The following ANO4 variants were observed in gnomAD, a reference collection of about 807,000 sequenced individuals.
ANO4 encodes anoctamin-4.
ANO4 carries 69 observed loss-of-function variants against 141.9 expected under a neutral mutation model. The ratio of observed to expected loss-of-function variants is 0.49; its 90% CI spans 0.40 to 0.59. The LOEUF (loss-of-function observed/expected upper bound fraction) is 0.59, where lower values mean the gene tolerates loss of function less well. Ranked by LOEUF, ANO4 falls within the 20% of genes least tolerant of loss-of-function variation. The probability of loss-of-function intolerance (pLI) is 0.00; values close to 1 mark genes in which losing one functional copy is unlikely to be tolerated. For missense variants in ANO4, 894 were observed against 1,162.2 expected, an observed-to-expected ratio of 0.77 and a Z score of 3.36; for synonymous variants, 350 against 394.3, an observed-to-expected ratio of 0.89 and a Z score of 1.33.
intron 14 of ANO4, among the ~76,000 whole-genome samples, chr12:101,075,946 A>G (rs536686466): frequency 6.6e-6 from 1 of 152,066 alleles, no homozygotes; most frequent in Non-Finnish European, 1.5e-5. Context: ...TGGTTTGACT[A>G]CGTTTCATAG....
intron 25 of ANO4, among the ~76,000 whole-genome samples, chr12:101,118,948 A>G (rs1490917584): frequency 2.2e-5 from 3 of 139,092 alleles, no homozygotes; most frequent in African/African-American, 8.1e-5. Flanking sequence ...GTTCCCACCT[A>G]TGAATGAGAA....
intron 8 of ANO4, among the ~76,000 whole-genome samples, chr12:101,006,579 A>G (rs572706988): frequency 4.3e-4 from 66 of 152,238 alleles, no homozygotes; most frequent in Non-Finnish European, 7.2e-4. Context: ...TAGCAAGACA[A>G]TGAGCCAGTA....
intron 1 of ANO4, among the ~76,000 whole-genome samples, chr12:100,806,672 G>A (rs1433303559): frequency 6.6e-6 from 1 of 151,100 alleles, no homozygotes. Context: ...AGCCTCCTGA[G>A]TAGCTGAGAT....
intron 3 of ANO4, among the ~76,000 whole-genome samples, chr12:100,935,946 T>G (rs924834394): frequency 1.6e-4 from 25 of 152,184 alleles, no homozygotes; most frequent in African/African-American, 6.0e-4. Flanking sequence ...CACATACTTT[T>G]TATGCCTGTG....
chr12:100,910,159 G>A (rs1270196609), intron 2 of ANO4, among the ~76,000 whole-genome samples: 3 of 152,128 alleles, frequency 2.0e-5, no homozygotes, highest in Non-Finnish European at 2.9e-5. Context: ...TAAATAATTG[G>A]TGTAGAATGT....
chr12:100,819,615 A>G (rs1203497862), intron 1 of ANO4, among the ~76,000 whole-genome samples: 1 of 151,998 alleles, frequency 6.6e-6, no homozygotes, highest in African/African-American at 2.4e-5. Context: ...TCTTGGTGGT[A>G]ATTAGTGATG....
In ANO4 at chr12:101,128,201, C is replaced by T. The variant is rs1326192308; in HGVS notation, c.*345C>T. The T allele has an allele frequency of 1.3e-5, 2 of 152,522 alleles. No individual in the cohort carries two copies. Among genetic ancestry groups the T allele is most frequent in the African/African-American group, 4.8e-5 (2 of 41,414 alleles). The allele number at this position is 152,522 out of a possible 1,614,324, so 9.4% of individuals were successfully genotyped here. A position where few individuals can be genotyped will look rare whatever the true frequency, so the allele number is the denominator to read the frequency against. On this transcript the variant is annotated 3_prime_UTR_variant, in exon 28 of 28. Coordinates refer to ENST00000392977, the MANE Select transcript of ANO4 (RefSeq NM_001286615.2). The stretch of plus-strand genomic sequence containing the variant: ...TTTGCTACCTTTTTTGCATTCTATC[C>T]CATGTGAATTTTACAGACACTGGGC...
At chr12:100,913,109 C>T (rs956736620) in intron 2 of ANO4, among the ~76,000 whole-genome samples, 3 of 151,944 alleles carry the variant, frequency 2.0e-5, no homozygotes, top group African/African-American at 7.3e-5. Context: ...AAATATATAC[C>T]ACATTCTTCT....
At chr12:100,906,631 T>C (rs775963418) in intron 2 of ANO4, among the ~76,000 whole-genome samples, 3 of 151,962 alleles carry the variant, frequency 2.0e-5, no homozygotes, top group Non-Finnish European at 4.4e-5. Context: ...AGTCAAGAAT[T>C]GAGTAGCTTT....
At chr12:100,780,997 A>G (rs1388149404) in intron 3 of ANO4, among the ~76,000 whole-genome samples, 2 of 152,200 alleles carry the variant, frequency 1.3e-5, no homozygotes, top group African/African-American at 4.8e-5. Context: ...AGCAAACAAA[A>G]TCTAATTCTC....
chr12:100,823,863 T>G (rs995862783), intron 1 of ANO4, among the ~76,000 whole-genome samples: 7 of 151,958 alleles, frequency 4.6e-5, no homozygotes, highest in Non-Finnish European at 1.0e-4. Context: ...TTTGATGAAA[T>G]GGGTAGGCAA....
intron 14 of ANO4, among the ~76,000 whole-genome samples, chr12:101,074,164 CTG>C (rs2048935414): frequency 6.6e-6 from 1 of 152,178 alleles, no homozygotes. Flanking sequence ...GGTTAGATCG[CTG>C]TAGCACAAAG....
chr12:100,975,427 C>CTTT (rs201688045), intron 7 of ANO4, among the ~76,000 whole-genome samples: 11 of 139,814 alleles, frequency 7.9e-5, no homozygotes, highest in East Asian at 2.1e-4. Context: ...TTCTTTCTTT[C>CTTT]TTTTTTTTTT....
intron 17 of ANO4, among the ~76,000 whole-genome samples, chr12:101,091,056 A>G (rs1007572968): frequency 6.6e-6 from 1 of 152,214 alleles, no homozygotes; most frequent in Non-Finnish European, 1.5e-5. Flanking sequence ...TAGACTAGCC[A>G]ACATGGATGA....
intron 1 of ANO4, chr12:100,842,260 A>G (rs1196212769): frequency 6.6e-6 from 1 of 151,636 alleles, no homozygotes; most frequent in Non-Finnish European, 1.5e-5. Context: ...CTTATATTTC[A>G]TTCTTTGTTA....
intron 1 of ANO4, among the ~76,000 whole-genome samples, chr12:100,861,099 A>G (rs1005855260): frequency 7.9e-5 from 12 of 152,142 alleles, no homozygotes; most frequent in Non-Finnish European, 1.6e-4. Flanking sequence ...ATCACCACCC[A>G]TGTCCTGCTG....
chr12:100,909,545 T>C (rs1028318208), intron 2 of ANO4, among the ~76,000 whole-genome samples: 1 of 152,118 alleles, frequency 6.6e-6, no homozygotes, highest in Non-Finnish European at 1.5e-5. Context: ...TCAAACTGTA[T>C]TAAGGGCTGG....
chr12:100,759,211 T>TC (rs1261956284), intron 3 of ANO4, among the ~76,000 whole-genome samples: 5 of 152,180 alleles, frequency 3.3e-5, no homozygotes, highest in African/African-American at 4.8e-5. Context: ...TTACATGCTT[T>TC]CTGCTGCATC....
intron 2 of ANO4, 68 bp from the exon 3 acceptor site, chr12:100,922,158 C>A: frequency 8.4e-7 from 1 of 1,184,680 alleles, no homozygotes; most frequent in Non-Finnish European, 1.1e-6. Flanking sequence ...ATAGCTTCTC[C>A]TTGGGACCCT....
Sources: gnomAD v4.1 joint callset for allele counts (sites outside exome capture counted in the v4.1 genomes callset) on GRCh38, gnomAD v4.1.1 for gene constraint, MANE v1.5 for transcripts, NCBI Gene and HGNC (gene_info 2026-07-23, HGNC 2026-07-21) for gene names.